Variants in HEMGN observed in about 807,000 individuals in gnomAD.
HEMGN encodes hemogen.
A neutral mutation model predicts 45.7 loss-of-function variants in HEMGN; 32 were observed. The observed-to-expected ratio is 0.70, with a 90% CI of 0.53 to 0.94. The LOEUF (loss-of-function observed/expected upper bound fraction) is 0.94, where lower values mean the gene tolerates loss of function less well. HEMGN is among the 40% of genes least tolerant of loss of function. The pLI is 0.00. For synonymous variants in HEMGN, 183 were observed against 178.6 expected, an observed-to-expected ratio of 1.02 and a Z score of -0.20; for missense variants, 530 against 564.2, an observed-to-expected ratio of 0.94 and a Z score of 0.61.
intron 2 of HEMGN, among the ~76,000 whole-genome samples, chr9:97,934,892 C>T (rs1827029362): frequency 6.6e-6 from 1 of 152,142 alleles, no homozygotes; most frequent in Non-Finnish European, 1.5e-5. Context: ...AGGCTTGAAG[C>T]TGCTGAGACC....
chr9:97,943,099 G>A (rs1427385583), upstream of HEMGN, among the ~76,000 whole-genome samples: 1 of 152,184 alleles, frequency 6.6e-6, no homozygotes. Context: ...TTCTTCCCTT[G>A]TAAAATAGAG....
upstream of HEMGN, among the ~76,000 whole-genome samples, chr9:97,938,711 C>T (rs1320258288): frequency 1.3e-5 from 2 of 152,250 alleles, no homozygotes; most frequent in Non-Finnish European, 2.9e-5. Context: ...ACATGGTTTC[C>T]TGTATGTAGC....
chr9:97,930,392 GCACAA>G lies in HEMGN; in HGVS notation c.998_1002del (p.Ile333ThrfsTer2), dbSNP rs776446278. 1.9e-6 allele frequency: 3 copies of G among 1,613,908 alleles called. No homozygotes were observed. Among genetic ancestry groups the G allele is most frequent in the Non-Finnish European group, 2.5e-6 (3 of 1,179,892 alleles). On this transcript the variant is annotated frameshift_variant, in exon 3 of 4. Coordinates refer to ENST00000616898, the MANE Select transcript of HEMGN (RefSeq NM_197978.3). LOFTEE classifies it high-confidence loss of function. ...ATTGTTTTATGAGAGGGGGCTTTAG[GCACAA>G]TAATTTCGTTACATGTTTTATGAGG...
chr9:97,942,985 A>G (rs550738768), upstream of HEMGN, among the ~76,000 whole-genome samples: 3 of 152,324 alleles, frequency 2.0e-5, no homozygotes, highest in South Asian at 4.1e-4. Context: ...TGAAGACCAT[A>G]TTATATGAAA....
intron 3 of HEMGN, 47 bp downstream of exon 3, chr9:97,929,988 T>C: frequency 7.3e-7 from 1 of 1,365,546 alleles, no homozygotes; most frequent in Non-Finnish European, 1.0e-6. Flanking sequence ...TGTAAATCAC[T>C]ACTCTGGGGG....
At chr9:97,943,224 TA>T (rs1827177547) in intron 1 of HEMGN, among the ~76,000 whole-genome samples, 1 of 152,264 alleles carries the variant, frequency 6.6e-6, no homozygotes, top group South Asian at 2.1e-4. Context: ...TTGATAGTGA[TA>T]TTAGAGTGTT....
chr9:97,935,244 A>C (rs1827037496), intron 2 of HEMGN, among the ~76,000 whole-genome samples: 1 of 152,202 alleles, frequency 6.6e-6, no homozygotes, highest in Non-Finnish European at 1.5e-5. Flanking sequence ...GACAGTGCTC[A>C]GTCCACAGCG....
chr9:97,942,228 C>T (rs535609670), upstream of HEMGN, among the ~76,000 whole-genome samples: 37 of 151,064 alleles, frequency 2.4e-4, no homozygotes, highest in Middle Eastern at 3.5e-3. Context: ...ACTGGTAGTT[C>T]GCACCAGAAG....
upstream of HEMGN, chr9:97,938,238 C>A: frequency 1.3e-6 from 1 of 759,422 alleles, no homozygotes; most frequent in South Asian, 1.6e-5. Context: ...AAAAAAACCA[C>A]ACACACAAGT....
chr9:97,943,871 T>C (rs1827185537), intron 1 of HEMGN, among the ~76,000 whole-genome samples: 1 of 152,198 alleles, frequency 6.6e-6, no homozygotes, highest in African/African-American at 2.4e-5. Context: ...TCTCAGTTCT[T>C]CTTTTTTGAC....
intron 1 of HEMGN, among the ~76,000 whole-genome samples, chr9:97,943,297 C>T (rs1827178182): frequency 6.6e-6 from 1 of 152,182 alleles, no homozygotes; most frequent in Non-Finnish European, 1.5e-5. Context: ...TGGAAGGGAA[C>T]ACAATGGACA....
chr9:97,935,709 C>T (rs1272683808), intron 2 of HEMGN, among the ~76,000 whole-genome samples: 1 of 152,218 alleles, frequency 6.6e-6, no homozygotes, highest in Non-Finnish European at 1.5e-5. Context: ...GTTATCTAAA[C>T]TCTTTGTCAC....
Position 97,930,460 on chromosome 9 carries a change from G to T in HEMGN, c.935C>A (p.Thr312Lys). 6.2e-7 allele frequency: 1 copy of T among 1,614,100 alleles called. No homozygotes were observed. Among genetic ancestry groups the T allele is most frequent in the South Asian group, 1.1e-5 (1 of 91,074 alleles). The change falls in exon 3 of 4, where the codon ACA becomes AAA. Residue 312 changes from threonine (T) to lysine (K), a missense_variant. Physicochemically the swap from Thr to Lys is moderately conservative, Grantham distance 78. Coordinates refer to ENST00000616898, the MANE Select transcript of HEMGN (RefSeq NM_197978.3). ...QEIAEPKDLS[T>K]KTHQESAEPK... ...TTCAGCTGATTCTTGGTGTGTTTTT[G>T]TAGAAAGGTCTTTAGGCTCAGCTAT...
chr9:97,937,033 C>A (rs1372567553), intron 1 of HEMGN, among the ~76,000 whole-genome samples: 1 of 152,130 alleles, frequency 6.6e-6, no homozygotes, highest in Non-Finnish European at 1.5e-5. Context: ...TACAAATCCA[C>A]ACTGGGACCT....
chr9:97,933,631 A>G (rs1826999230), intron 2 of HEMGN, among the ~76,000 whole-genome samples: 1 of 152,136 alleles, frequency 6.6e-6, no homozygotes, highest in Non-Finnish European at 1.5e-5. Context: ...TTATAATGAG[A>G]ATTATTTATT....
intron 3 of HEMGN, among the ~76,000 whole-genome samples, chr9:97,928,295 G>A (rs1487584757): frequency 6.6e-6 from 1 of 152,064 alleles, no homozygotes; most frequent in Admixed American, 6.5e-5. Context: ...CAACGTGCTG[G>A]GATTACAGGC....
intron 1 of HEMGN, 86 bp from the exon 2 acceptor site, chr9:97,936,350 G>T: frequency 1.1e-6 from 1 of 873,162 alleles, no homozygotes; most frequent in Non-Finnish European, 1.9e-6. Flanking sequence ...CAGAGTCTCT[G>T]TTCTAGGTTT....
At chr9:97,944,683 C>A (rs560604665) in intron 1 of HEMGN, 2 of 152,352 alleles carry the variant, frequency 1.3e-5, no homozygotes, top group South Asian at 4.1e-4. Flanking sequence ...ATTTCCCAGT[C>A]TGGCATTTAA....
At chr9:97,928,119 C>T (rs1295703470) in intron 3 of HEMGN, among the ~76,000 whole-genome samples, 10 of 151,728 alleles carry the variant, frequency 6.6e-5, no homozygotes, top group African/African-American at 1.7e-4. Flanking sequence ...CTCCGCCTCC[C>T]GGGTTCACGC....
Sources: allele counts gnomAD v4.1 joint callset (sites outside exome capture counted in the v4.1 genomes callset), GRCh38; gene constraint gnomAD v4.1.1; transcripts MANE v1.5; gene names NCBI Gene and HGNC (gene_info 2026-07-23, HGNC 2026-07-21).